The following ASTN2 variants were observed in gnomAD, a reference collection of about 807,000 sequenced individuals.
ASTN2 encodes astrotactin 2.
A neutral mutation model predicts 139.8 loss-of-function variants in ASTN2; 54 were observed. That is an observed-to-expected ratio of 0.39 (90% CI 0.31 to 0.48). The LOEUF (loss-of-function observed/expected upper bound fraction) is 0.48. Ranked by LOEUF, ASTN2 falls within the 20% of genes least tolerant of loss-of-function variation. ASTN2 has a pLI of 0.95. For missense variants in ASTN2, 1,565 were observed against 1,725.1 expected (o/e 0.91, Z 1.64); for synonymous variants, 756 against 719.5 (o/e 1.05, Z -0.81).
chr9:116,643,741 A>G (rs1169267562), intron 17 of ASTN2, among the ~76,000 whole-genome samples: 1 of 152,186 alleles, frequency 6.6e-6, no homozygotes, highest in Admixed American at 6.5e-5. Flanking sequence ...TCATCAAAAA[A>G]CTTGCTTTGC....
intron 2 of ASTN2, 117 bp from the exon 3 acceptor site, chr9:117,214,859 T>A: frequency 8.5e-7 from 1 of 1,178,058 alleles, no homozygotes; most frequent in Non-Finnish European, 1.1e-6. Flanking sequence ...TCATAGAGCC[T>A]CAGGAACCAC....
intron 2 of ASTN2, among the ~76,000 whole-genome samples, chr9:117,259,320 G>T (rs1421981038): frequency 6.6e-6 from 1 of 151,992 alleles, no homozygotes; most frequent in Non-Finnish European, 1.5e-5. Context: ...AAATTCTAAG[G>T]CCCCCCTCAA....
At chr9:117,055,796 A>T (rs1839043378) in intron 5 of ASTN2, among the ~76,000 whole-genome samples, 1 of 152,240 alleles carries the variant, frequency 6.6e-6, no homozygotes, top group African/African-American at 2.4e-5. Context: ...AATTGTTCCC[A>T]ATGGTCTTTG....
At chr9:116,578,703 A>G (rs1412239814) in intron 19 of ASTN2, among the ~76,000 whole-genome samples, 1 of 147,856 alleles carries the variant, frequency 6.8e-6, no homozygotes, top group African/African-American at 2.5e-5. Flanking sequence ...AAACAACACC[A>G]TTGTTTTTCC....
At chr9:116,969,166 G>T (rs1229430959) in intron 10 of ASTN2, among the ~76,000 whole-genome samples, 1 of 152,086 alleles carries the variant, frequency 6.6e-6, no homozygotes, top group Non-Finnish European at 1.5e-5. Context: ...ATTGATGTGG[G>T]ATATTGGCAA....
intron 20 of ASTN2, among the ~76,000 whole-genome samples, chr9:116,448,499 AC>A (rs1359195409): frequency 6.6e-6 from 1 of 152,146 alleles, no homozygotes; most frequent in Non-Finnish European, 1.5e-5. Context: ...TATTCTAGGA[AC>A]TGAGAGCTGT....
intron 5 of ASTN2, among the ~76,000 whole-genome samples, chr9:117,058,952 C>T (rs1042203189): frequency 6.6e-6 from 1 of 152,112 alleles, no homozygotes; most frequent in Non-Finnish European, 1.5e-5. Flanking sequence ...CAAAGGCATG[C>T]AAAACGTTGA....
intron 10 of ASTN2, among the ~76,000 whole-genome samples, chr9:116,961,905 A>G (rs911094997): frequency 6.6e-6 from 1 of 152,248 alleles, no homozygotes; most frequent in Non-Finnish European, 1.5e-5. Context: ...CGCTAAATGC[A>G]TCATGCATCA....
intron 13 of ASTN2, among the ~76,000 whole-genome samples, chr9:116,766,817 C>A (rs1159698707): frequency 6.9e-6 from 1 of 145,692 alleles, no homozygotes; most frequent in African/African-American, 2.7e-5. Flanking sequence ...TACACATATG[C>A]TTGAACACAC....
intron 5 of ASTN2, among the ~76,000 whole-genome samples, chr9:117,045,523 A>G (rs956949162): frequency 6.6e-6 from 1 of 152,090 alleles, no homozygotes; most frequent in African/African-American, 2.4e-5. Context: ...AGCTCCTCTC[A>G]TGGCAGCAGA....
At chr9:116,881,917 C>T (rs532764564) in intron 10 of ASTN2, among the ~76,000 whole-genome samples, 2 of 142,240 alleles carry the variant, frequency 1.4e-5, no homozygotes, top group East Asian at 3.9e-4. Flanking sequence ...ATATTTGTAG[C>T]ACAACTTAAT....
chr9:117,128,960 T>G (rs11795114), intron 4 of ASTN2, among the ~76,000 whole-genome samples: 17,786 of 152,220 alleles, frequency 0.12, 1,267 homozygotes, highest in Middle Eastern at 0.18. Context: ...TGGGGGAAAC[T>G]GCCCCCATGA....
intron 3 of ASTN2, among the ~76,000 whole-genome samples, chr9:117,180,276 T>G (rs780063085): frequency 1.3e-5 from 2 of 152,220 alleles, no homozygotes; most frequent in Non-Finnish European, 2.9e-5. Context: ...AGGACCCTGG[T>G]GATCTGACCC....
intron 4 of ASTN2, among the ~76,000 whole-genome samples, chr9:117,100,732 C>T (rs1828957332): frequency 6.6e-6 from 1 of 152,182 alleles, no homozygotes; most frequent in Non-Finnish European, 1.5e-5. Flanking sequence ...AATGTTCAAT[C>T]TTAAAAAACA....
At chr9:117,305,636 C>A (rs1222847391) in intron 1 of ASTN2, among the ~76,000 whole-genome samples, 1 of 152,192 alleles carries the variant, frequency 6.6e-6, no homozygotes, top group African/African-American at 2.4e-5. Context: ...GGAAGGCAAG[C>A]ACTGGTTTGT....
intron 12 of ASTN2, among the ~76,000 whole-genome samples, chr9:116,819,889 G>T (rs934280887): frequency 6.6e-6 from 1 of 152,220 alleles, no homozygotes; most frequent in South Asian, 2.1e-4. Flanking sequence ...AGCAATGTAA[G>T]TTGGAAGAAA....
intron 20 of ASTN2, among the ~76,000 whole-genome samples, chr9:116,477,861 G>GAA (rs869258300): frequency 3.8e-5 from 1 of 26,018 alleles, no homozygotes; most frequent in African/African-American, 1.2e-4. Flanking sequence ...AATCAAAAAA[G>GAA]AAAAAAAAAA....
chr9:116,699,143 C>CAAACCATGGGGTATCA lies in ASTN2; in HGVS notation c.2806+26627_2806+26628insTGATACCCCATGGTTT. ...GCCACTGCGTGGCCTGTCACAGGAG[C>CAAACCATGGGGTATCA]CAGCTGAGCAAACCATGGGGTATCA... On this transcript the variant is annotated intron_variant, in intron 16 of 22. Coordinates refer to ENST00000313400, the MANE Select transcript of ASTN2 (RefSeq NM_001365068.1). This position sits in a 1 kb window ranked among gnomAD's most constrained non-coding sequence, Gnocchi z 4.2. The CAAACCATGGGGTATCA allele has an allele frequency of 6.2e-7, 1 of 1,614,218 alleles. No homozygotes were observed. Among genetic ancestry groups the CAAACCATGGGGTATCA allele is most frequent in the Non-Finnish European group, 8.5e-7 (1 of 1,180,036 alleles).
At chr9:117,218,462 G>A (rs1054639884) in intron 2 of ASTN2, among the ~76,000 whole-genome samples, 4 of 152,128 alleles carry the variant, frequency 2.6e-5, no homozygotes, top group South Asian at 2.1e-4. Context: ...GGGGCTCATC[G>A]TGCCACTGAC....
Sources: allele counts gnomAD v4.1 joint callset (sites outside exome capture counted in the v4.1 genomes callset), GRCh38; gene constraint gnomAD v4.1.1; non-coding constraint Gnocchi (gnomAD v3.1); transcripts MANE v1.5; gene names NCBI Gene and HGNC (gene_info 2026-07-23, HGNC 2026-07-21).